Variants in HBS1L observed in about 807,000 individuals in gnomAD.
HBS1L encodes the protein HBS1-like protein.
HBS1L carries 55 observed loss-of-function variants against 88.9 expected under a neutral mutation model. The ratio of observed to expected loss-of-function variants is 0.62; its 90% confidence interval spans 0.50 to 0.77. The LOEUF is 0.77. HBS1L is among the 30% of genes least tolerant of loss of function. The pLI is 0.00. For missense variants in HBS1L, 741 were observed against 829.3 expected (o/e 0.89, Z 1.31); for synonymous variants, 267 against 288.5 (o/e 0.93, Z 0.76).
intron 1 of HBS1L, 93 bp downstream of exon 1, chr6:135,054,556 G>T (rs1777187487): frequency 6.9e-7 from 1 of 1,444,642 alleles, no homozygotes. Context: ...GGGCAACACT[G>T]ACGAGAAACT....
chr6:135,039,860 C>T (rs1776674909), intron 3 of HBS1L, 93 bp from the exon 4 acceptor site: 1 of 1,064,836 alleles, frequency 9.4e-7, no homozygotes, highest in Non-Finnish European at 1.3e-6. Context: ...TACAGCTGTA[C>T]TAGAATATTC....
At chr6:135,019,612 AATACAT>A (rs1214520644) in intron 4 of HBS1L, among the ~76,000 whole-genome samples, 1 of 151,894 alleles carries the variant, frequency 6.6e-6, no homozygotes, top group Non-Finnish European at 1.5e-5. Context: ...CAACTTCTTT[AATACAT>A]TTTACCTTTG....
intron 15 of HBS1L, among the ~76,000 whole-genome samples, chr6:134,972,240 T>C (rs1774511589): frequency 1.3e-5 from 2 of 152,184 alleles, no homozygotes; most frequent in African/African-American, 4.8e-5. Flanking sequence ...GTCTGTTAGG[T>C]GGCCAAGTAA....
At chr6:135,048,793 C>A (rs1170354907) in intron 2 of HBS1L, among the ~76,000 whole-genome samples, 1 of 152,026 alleles carries the variant, frequency 6.6e-6, no homozygotes, top group Non-Finnish European at 1.5e-5. Flanking sequence ...AACAGTGAAA[C>A]ATTAAAAGAT....
intron 4 of HBS1L, among the ~76,000 whole-genome samples, chr6:135,013,914 C>G (rs1775843251): frequency 6.6e-6 from 1 of 151,952 alleles, no homozygotes; most frequent in Non-Finnish European, 1.5e-5. Context: ...AAGTAATCTA[C>G]AGATGATGTA....
chr6:134,997,590 G>A lies in HBS1L; in HGVS notation c.606C>T (p.Ala202=), dbSNP rs1775327508. The A allele has an allele frequency of 6.2e-7, 1 of 1,613,114 alleles. No homozygotes were observed. The highest frequency in any genetic ancestry group is 8.5e-7 in the Non-Finnish European group (1 of 1,179,150). The change falls in exon 6 of 18, where the codon GCC becomes GCT. Residue 202 remains alanine (A), a synonymous_variant. Transcript: ENST00000367837. ...TCTCAAGAACATCGGAAGAAGCAAT[G>A]GCATCTTCAATGGGCGGTCCTTTTT... is the stretch of plus-strand genomic sequence containing the variant. The part of the protein sequence containing the change: ...TPQKGPPIED[A]IASSDVLETA...
intron 4 of HBS1L, among the ~76,000 whole-genome samples, chr6:135,006,097 C>G (rs749051006): frequency 6.6e-6 from 1 of 152,078 alleles, no homozygotes; most frequent in Non-Finnish European, 1.5e-5. Flanking sequence ...GAAAAAGGCA[C>G]AGAGAAGACA....
intron 1 of HBS1L, among the ~76,000 whole-genome samples, chr6:135,054,108 C>T (rs1219740905): frequency 6.6e-6 from 1 of 152,200 alleles, no homozygotes; most frequent in Non-Finnish European, 1.5e-5. Context: ...TCCTAAGTTT[C>T]CACTTTGAAA....
rs1484868621 is a variant in HBS1L at position 134,997,401 on chromosome 6, G to T, written c.795C>A (p.Val265=). The T allele has an allele frequency of 6.2e-7, 1 of 1,613,868 alleles. No individual in the cohort carries two copies. Among genetic ancestry groups the T allele is most frequent in the Non-Finnish European group, 8.5e-7 (1 of 1,179,914 alleles). Residue 265 remains valine, a synonymous_variant, in exon 6 of 18, where the codon GTC becomes GTA. Coordinates refer to ENST00000367837, the MANE Select transcript of HBS1L (RefSeq NM_006620.4). Reference sequence around the variant, plus strand: ...CAGAGGGACAAAGAGCATTACCAATGACCACTAAGTTGAGTAGCTGCTTCC... The same window carrying T: ...CAGAGGGACAAAGAGCATTACCAATTACCACTAAGTTGAGTAGCTGCTTCC... ...QGGKQLLNLV[V]IGHVDAGKST... is the part of the protein sequence containing the mutation.
At chr6:134,993,394 A>G (rs1775199976) in intron 8 of HBS1L, among the ~76,000 whole-genome samples, 1 of 152,188 alleles carries the variant, frequency 6.6e-6, no homozygotes, top group African/African-American at 2.4e-5. Context: ...AGCTCTTTAA[A>G]AAGATATAGA....
intron 4 of HBS1L, among the ~76,000 whole-genome samples, chr6:135,007,829 T>C (rs1055895931): frequency 6.6e-6 from 1 of 152,196 alleles, no homozygotes; most frequent in Non-Finnish European, 1.5e-5. Context: ...AATTGAACAC[T>C]AAATTTTCAG....
chr6:135,015,475 G>A (rs569360281), intron 4 of HBS1L, among the ~76,000 whole-genome samples: 1 of 152,308 alleles, frequency 6.6e-6, no homozygotes, highest in East Asian at 1.9e-4. Flanking sequence ...AGGACCTCAT[G>A]GAAGTGGTAT....
intron 4 of HBS1L, among the ~76,000 whole-genome samples, chr6:135,038,487 T>C (rs1219259175): frequency 2.0e-5 from 3 of 152,212 alleles, no homozygotes; most frequent in African/African-American, 7.2e-5. Context: ...CAATACAAGA[T>C]GACATATTAC....
At chr6:135,029,568 A>G (rs56727554) in intron 4 of HBS1L, among the ~76,000 whole-genome samples, 4,643 of 152,228 alleles carry the variant, frequency 0.031, 243 homozygotes, top group African/African-American at 0.11. Flanking sequence ...ACCCCTATCT[A>G]TAAGAATTTG....
intron 4 of HBS1L, among the ~76,000 whole-genome samples, chr6:135,022,955 A>C (rs1776114368): frequency 6.6e-6 from 1 of 152,024 alleles, no homozygotes; most frequent in South Asian, 2.1e-4. Context: ...ATCTCCTCAT[A>C]AAAATCAAAT....
chr6:134,964,898 C>A lies in HBS1L; in HGVS notation c.*381G>T. ...CCAATTAAGTTACTTTTCCTTAAAA[C>A]ATGTGCAGTATAATTGAATCAAAAG... On this transcript the variant is annotated 3_prime_UTR_variant, in exon 18 of 18. Transcript: ENST00000367837. The A allele has an allele frequency of 1.3e-5, 2 of 154,114 alleles. No homozygotes were observed. Among genetic ancestry groups the A allele is most frequent in the Non-Finnish European group, 2.7e-5 (2 of 73,936 alleles). 9.5% of individuals were successfully genotyped at this position (154,114 alleles called of 1,614,324 possible).
intron 2 of HBS1L, 32 bp from the exon 3 acceptor site, chr6:135,042,158 G>T (rs1457178344): frequency 6.4e-7 from 1 of 1,563,592 alleles, no homozygotes; most frequent in Non-Finnish European, 8.7e-7. Context: ...GAATGCTATG[G>T]TATAGCCATT....
At chr6:134,967,834 A>T (rs943014839) in intron 16 of HBS1L, among the ~76,000 whole-genome samples, 1 of 152,222 alleles carries the variant, frequency 6.6e-6, no homozygotes, top group African/African-American at 2.4e-5. Flanking sequence ...AATATACATT[A>T]TGTGAAAGCA....
chr6:134,970,745 T>C (rs1221341373), intron 15 of HBS1L, among the ~76,000 whole-genome samples: 1 of 152,174 alleles, frequency 6.6e-6, no homozygotes, highest in Non-Finnish European at 1.5e-5. Flanking sequence ...ATAGAAATCA[T>C]ATAAATGGAA....
Sources: allele counts gnomAD v4.1 joint callset (sites outside exome capture counted in the v4.1 genomes callset), GRCh38; gene constraint gnomAD v4.1.1; transcripts MANE v1.5; gene names NCBI Gene and HGNC (gene_info 2026-07-23, HGNC 2026-07-21).